NUMA1: variants seen among roughly 807,000 people sequenced by gnomAD.
NUMA1 encodes nuclear mitotic apparatus protein 1, also known as SP-H antigen.
In NUMA1, 62 loss-of-function variants were observed where a neutral mutation model predicts 237.1. The observed-to-expected ratio is 0.26, with a 90% CI of 0.21 to 0.32. The LOEUF is 0.32. Among genes scored for constraint, NUMA1 ranks in the 10% least tolerant of loss-of-function variants. NUMA1 has a pLI of 1.00. For synonymous variants in NUMA1, 1,028 were observed against 1,066.1 expected (o/e 0.96, Z 0.70); for missense variants, 2,533 against 2,666.5 (o/e 0.95, Z 1.10).
At chr11:72,057,116 A>T (rs954032801) in intron 2 of NUMA1, among the ~76,000 whole-genome samples, 1 of 152,106 alleles carries the variant, frequency 6.6e-6, no homozygotes, top group African/African-American at 2.4e-5. Context: ...AAACAAAGGA[A>T]ATATATTCTA....
intron 2 of NUMA1, among the ~76,000 whole-genome samples, chr11:72,051,149 A>G (rs1252758611): frequency 6.6e-6 from 1 of 152,152 alleles, no homozygotes; most frequent in African/African-American, 2.4e-5. Context: ...TTGACCTCCC[A>G]AAGTGTTGGA....
chr11:72,063,922 CAAA>C (rs35238614), intron 2 of NUMA1, among the ~76,000 whole-genome samples: 12 of 52,548 alleles, frequency 2.3e-4, no homozygotes, highest in East Asian at 4.3e-4. Flanking sequence ...GATCTTGTGT[CAAA>C]AAAAAAAAAA....
intron 3 of NUMA1, 98 bp from the exon 4 acceptor site, chr11:72,029,388 A>G: frequency 1.6e-6 from 1 of 624,884 alleles, no homozygotes; most frequent in Non-Finnish European, 2.7e-6. Context: ...GTTGTAGACT[A>G]TAGGAATACA....
chr11:72,004,037 G>A lies in NUMA1; in HGVS notation c.6186C>T (p.Ser2062=), dbSNP rs1337330457. The change falls in exon 26 of 27, where the codon AGC becomes AGT. Residue 2062 remains serine (S), a synonymous_variant. Transcript: ENST00000393695. ...TCTTTGAGGCTCCCCGCCGCAGAAG[G>A]CTGTTCCCTAGCTTCTTGGGTGTGT... ...ILNTPKKLGN[S]LLRRGASKKA... is the part of the protein sequence containing the mutation. The A allele has an allele frequency of 1.2e-6, 2 of 1,613,754 alleles. No individual in the cohort carries two copies. Among genetic ancestry groups the A allele is most frequent in the African/African-American group, 2.7e-5 (2 of 75,042 alleles).
At chr11:72,003,789 C>T (rs1407902143) in intron 26 of NUMA1, 98 bp downstream of exon 26, 3 of 1,297,782 alleles carry the variant, frequency 2.3e-6, no homozygotes, top group African/African-American at 3.0e-5. Context: ...CTCCAGCAGC[C>T]TGGCGTGGCC....
intron 1 of NUMA1, among the ~76,000 whole-genome samples, chr11:72,070,778 C>T (rs1030904966): frequency 6.6e-6 from 1 of 152,180 alleles, no homozygotes; most frequent in Admixed American, 6.5e-5. Flanking sequence ...CCAAACAAAA[C>T]AAAATGAATG....
rs1189867970 is a variant in NUMA1 at position 72,030,790 on chromosome 11, ATGTGTTCTC to A, written c.43-1509_43-1501del. On this transcript the variant is annotated intron_variant, in intron 3 of 26. Coordinates refer to ENST00000393695, the MANE Select transcript of NUMA1 (RefSeq NM_006185.4). Reference sequence around the variant, plus strand: ...GACAACTAGATTCTATTGCTTACAAATGTGTTCTCTATATTTGGGCTGGGAGCCAGTACA... The same window carrying A: ...GACAACTAGATTCTATTGCTTACAAATATATTTGGGCTGGGAGCCAGTACA... 1.6e-4 allele frequency among the ~76,000 whole-genome samples: 25 copies of A among 152,310 alleles called. No homozygotes were observed. The South Asian group carries it at 5.0e-3, about 30-fold the overall frequency.
chr11:72,018,783 C>CA, intron 10 of NUMA1, 40 bp downstream of exon 10: 1 of 1,591,756 alleles, frequency 6.3e-7, no homozygotes, highest in Non-Finnish European at 8.5e-7. Flanking sequence ...ATCCTTCCGG[C>CA]AAGTCTATTC....
At chr11:72,049,577 A>ATATATATATATATATATATATATATG (rs1565275108) in intron 2 of NUMA1, 1 of 19,930 alleles carries the variant, frequency 5.0e-5, no homozygotes, top group African/African-American at 1.1e-4. Flanking sequence ...ATATATATAT[A>ATATATATATATATATATATATATATG]TATATAGTGT....
rs367866725 is a variant in NUMA1, at chr11:72,015,249, G to A, written c.2254C>T (p.Arg752Trp). The A allele has an allele frequency of 1.4e-5, 22 of 1,613,384 alleles. No homozygotes were observed. Among genetic ancestry groups the A allele is most frequent in the Non-Finnish European group, 1.7e-5 (20 of 1,180,024 alleles). The stretch of plus-strand genomic sequence containing the variant: ...TCTTCTTCCAGCTCCTTTCGTTCCC[G>A]CTTATGCTGCTCCACCAGGCTTCGG... ...ETRSLVEQHK[R>W]ERKELEEERA... Residue 752 changes from arginine to tryptophan, a missense_variant, in exon 15 of 27, where the codon CGG (arginine) becomes TGG (tryptophan). Physicochemically the swap from Arg to Trp is moderately radical, Grantham distance 101. Coordinates refer to ENST00000393695, the MANE Select transcript of NUMA1 (RefSeq NM_006185.4). The surrounding 1 kb of genome is among the most constrained non-coding windows in gnomAD (Gnocchi z 4.0).
Position 72,018,418 on chromosome 11 carries a change from C to A in NUMA1, c.838G>T (p.Glu280Ter). 6.2e-7 allele frequency: 1 copy of A among 1,614,108 alleles called. No homozygotes were observed. Among genetic ancestry groups the A allele is most frequent in the Non-Finnish European group, 8.5e-7 (1 of 1,179,994 alleles). Residue 280 changes from glutamate to a stop codon, truncating the protein, a stop_gained, in exon 11 of 27, where the codon GAG becomes TAG. Coordinates refer to ENST00000393695, the MANE Select transcript of NUMA1 (RefSeq NM_006185.4). LOFTEE classifies it high-confidence loss of function. ...TACCTCTCATTCTTGTCACGCAGCT[C>A]CTCAAGCTCCTTGGGCTCCAGTGGG... ...ASPLEPKELE[E>*]LRDKNESLTM...
chr11:72,051,849 AC>A (rs1454216411), intron 2 of NUMA1, among the ~76,000 whole-genome samples: 1 of 152,188 alleles, frequency 6.6e-6, no homozygotes, highest in African/African-American at 2.4e-5. Flanking sequence ...AAGCCAAAGA[AC>A]ATGGGCTTGG....
intron 22 of NUMA1, 124 bp from the exon 23 acceptor site, chr11:72,005,493 G>GA: frequency 1.2e-6 from 1 of 864,052 alleles, no homozygotes; most frequent in Admixed American, 2.5e-5. Flanking sequence ...ACACCAGTCT[G>GA]ATTCAGTGCC....
chr11:72,008,954 G>A lies in NUMA1; in HGVS notation c.5058+13C>T, dbSNP rs573178070. ...GAATAGGAGTGAGGTGAGTCTGCCA[G>A]CCAAATTCTTACCTGTGCCTCCAGG... is the stretch of plus-strand genomic sequence containing the variant. On this transcript the variant is annotated intron_variant, in intron 19 of 26. Transcript: ENST00000393695. The A allele has an allele frequency of 1.2e-6, 2 of 1,613,756 alleles. No individual in the cohort carries two copies. The highest frequency in any genetic ancestry group is 4.5e-5 in the East Asian group (2 of 44,882).
At chr11:72,067,584 T>A (rs1943256555) in intron 2 of NUMA1, 1 of 152,188 alleles carries the variant, frequency 6.6e-6, no homozygotes, top group African/African-American at 2.4e-5. Context: ...CAGCTGTGAC[T>A]ATAAGTAGAG....
chr11:72,011,163 C>G (rs1956134064), intron 16 of NUMA1, among the ~76,000 whole-genome samples: 1 of 152,172 alleles, frequency 6.6e-6, no homozygotes, highest in African/African-American at 2.4e-5. Context: ...CTCTGGGGAG[C>G]CGACACCTCA....
intron 3 of NUMA1, among the ~76,000 whole-genome samples, chr11:72,034,160 A>C (rs1940703641): frequency 6.6e-6 from 1 of 152,154 alleles, no homozygotes; most frequent in Non-Finnish European, 1.5e-5. Flanking sequence ...ATTGGCCCTG[A>C]TTAATCAGTA....
intron 4 of NUMA1, among the ~76,000 whole-genome samples, chr11:72,028,747 C>T (rs1173483746): frequency 1.3e-5 from 2 of 152,196 alleles, no homozygotes; most frequent in Non-Finnish European, 2.9e-5. Context: ...ACTGTGCTAA[C>T]AAGTTAGAGA....
chr11:72,073,048 C>CAAAAAAAA lies in NUMA1; in HGVS notation c.-102-3145_-102-3138dup, dbSNP rs71052849. Among the ~76,000 whole-genome samples the CAAAAAAAA allele has an allele frequency of 4.2e-3, 162 of 38,972 alleles. 47 individuals carry two copies. Among genetic ancestry groups the CAAAAAAAA allele is most frequent in the African/African-American group, 0.014 (125 of 8,982 alleles). The allele number at this position is 38,972 out of a possible 152,430, so 25.6% of individuals were successfully genotyped here. ...GGTGACACAGAGCGAGACTCCGTCT[C>CAAAAAAAA]AAAAAAAAAAAAAAAAAAAAGCTGC... On this transcript the variant is annotated intron_variant, in intron 1 of 26. Coordinates refer to ENST00000393695, the MANE Select transcript of NUMA1 (RefSeq NM_006185.4).
Sources: allele counts gnomAD v4.1 joint callset (sites outside exome capture counted in the v4.1 genomes callset), GRCh38; gene constraint gnomAD v4.1.1; non-coding constraint Gnocchi (gnomAD v3.1); transcripts MANE v1.5; gene names NCBI Gene and HGNC (gene_info 2026-07-23, HGNC 2026-07-21).